Variants in KIAA0319 observed in about 807,000 individuals in gnomAD.
KIAA0319 encodes KIAA0319.
Under a neutral mutation model 108.4 loss-of-function variants are expected in KIAA0319, and 83 were observed. The ratio of observed to expected loss-of-function variants is 0.77; its 90% CI spans 0.64 to 0.92. The LOEUF (loss-of-function observed/expected upper bound fraction) is 0.92, where lower values mean the gene tolerates loss of function less well. Among genes scored for constraint, KIAA0319 ranks in the 40% least tolerant of loss-of-function variants. The probability of loss-of-function intolerance (pLI) is 0.00; values close to 1 mark genes in which losing one functional copy is unlikely to be tolerated. For synonymous variants in KIAA0319, 484 were observed against 510.4 expected (o/e 0.95, Z 0.70); for missense variants, 1,195 against 1,322.4 (o/e 0.90, Z 1.49).
At chr6:24,642,839 C>G (rs1330692698) in intron 1 of KIAA0319, among the ~76,000 whole-genome samples, 1 of 152,008 alleles carries the variant, frequency 6.6e-6, no homozygotes, top group Admixed American at 6.5e-5. Context: ...CCTGCCTCAG[C>G]TGGGATTACA....
At chr6:24,581,588 T>C (rs923554320) in intron 6 of KIAA0319, among the ~76,000 whole-genome samples, 9 of 152,144 alleles carry the variant, frequency 5.9e-5, no homozygotes, top group African/African-American at 2.2e-4. Context: ...TGGAATGGAA[T>C]TATTGGCAAC....
At chr6:24,597,090 T>C (rs1769762743) in intron 2 of KIAA0319, among the ~76,000 whole-genome samples, 2 of 152,180 alleles carry the variant, frequency 1.3e-5, no homozygotes, top group Admixed American at 1.3e-4. Flanking sequence ...CACCTATCCA[T>C]GCACCCTTCC....
At chr6:24,565,488 C>T (rs1246855157) in intron 14 of KIAA0319, among the ~76,000 whole-genome samples, 2 of 152,042 alleles carry the variant, frequency 1.3e-5, no homozygotes, top group South Asian at 2.1e-4. Context: ...GGCGCGGTGG[C>T]TCACGCCTGT....
chr6:24,580,441 T>G (rs1028258932), intron 7 of KIAA0319, among the ~76,000 whole-genome samples: 1 of 151,196 alleles, frequency 6.6e-6, no homozygotes, highest in Non-Finnish European at 1.5e-5. Flanking sequence ...GAGGGGTTGG[T>G]GGAGGCTGAA....
chr6:24,555,696 C>A (rs1762187050), intron 18 of KIAA0319, among the ~76,000 whole-genome samples: 1 of 133,008 alleles, frequency 7.5e-6, no homozygotes, highest in South Asian at 2.3e-4. Context: ...TAGTAGACTG[C>A]CATTAAAATA....
intron 1 of KIAA0319, among the ~76,000 whole-genome samples, chr6:24,613,982 T>C (rs1034138382): frequency 1.3e-5 from 2 of 152,200 alleles, no homozygotes; most frequent in African/African-American, 4.8e-5. Flanking sequence ...AACTATCCTG[T>C]GGATAATAGG....
intron 1 of KIAA0319, among the ~76,000 whole-genome samples, chr6:24,608,628 A>G (rs1771786574): frequency 6.6e-6 from 1 of 152,132 alleles, no homozygotes; most frequent in Non-Finnish European, 1.5e-5. Context: ...ACCAAAAGAC[A>G]TGATTAAAAA....
At chr6:24,540,603 A>G (rs146111627), downstream of KIAA0319, among the ~76,000 whole-genome samples, 96 of 151,626 alleles carry the variant, frequency 6.3e-4, no homozygotes, top group South Asian at 1.3e-3. Context: ...CAACTCAACA[A>G]GAGAGGCTCT....
At chr6:24,639,889 C>T (rs1262936046) in intron 1 of KIAA0319, among the ~76,000 whole-genome samples, 2 of 146,006 alleles carry the variant, frequency 1.4e-5, no homozygotes, top group Non-Finnish European at 3.0e-5. Context: ...ATGAAAGAAG[C>T]ATTGGTAAGT....
intron 1 of KIAA0319, among the ~76,000 whole-genome samples, chr6:24,629,112 G>A (rs1333401315): frequency 6.6e-6 from 1 of 152,146 alleles, no homozygotes; most frequent in Non-Finnish European, 1.5e-5. Flanking sequence ...TATTTTCTAA[G>A]TTTAAGGTGA....
chr6:24,586,557 C>T (rs1205958087), intron 4 of KIAA0319, among the ~76,000 whole-genome samples: 1 of 152,150 alleles, frequency 6.6e-6, no homozygotes, highest in Non-Finnish European at 1.5e-5. Context: ...ATTCTGGGCA[C>T]CTTTGGCCAC....
chr6:24,574,747 T>C (rs1765221579), intron 10 of KIAA0319, among the ~76,000 whole-genome samples: 1 of 152,220 alleles, frequency 6.6e-6, no homozygotes, highest in Non-Finnish European at 1.5e-5. Flanking sequence ...CAAGATCCAT[T>C]GTGCTACCAG....
intron 1 of KIAA0319, among the ~76,000 whole-genome samples, chr6:24,628,277 A>AT (rs1394075981): frequency 6.6e-6 from 1 of 151,914 alleles, no homozygotes; most frequent in East Asian, 1.9e-4. Flanking sequence ...CTTTTTAAGA[A>AT]TTTTTTTGCT....
intron 1 of KIAA0319, among the ~76,000 whole-genome samples, chr6:24,636,609 AC>A (rs1031584419): frequency 3.3e-5 from 5 of 152,190 alleles, no homozygotes; most frequent in African/African-American, 1.2e-4. Flanking sequence ...AATCACTGAT[AC>A]TTTACAAAAA....
intron 18 of KIAA0319, among the ~76,000 whole-genome samples, chr6:24,554,947 A>G (rs1052945912): frequency 1.3e-5 from 2 of 152,208 alleles, no homozygotes; most frequent in Non-Finnish European, 2.9e-5. Context: ...ATATAAACAC[A>G]CATGTATACC....
chr6:24,561,749 A>C (rs1763130544), intron 16 of KIAA0319, among the ~76,000 whole-genome samples: 1 of 151,582 alleles, frequency 6.6e-6, no homozygotes, highest in South Asian at 2.1e-4. Flanking sequence ...TCTGTCACCC[A>C]GGCTGAAGTG....
chr6:24,568,909 A>G lies in KIAA0319; in HGVS notation c.2012T>C (p.Met671Thr), dbSNP rs1370896811. Reference sequence around the variant, plus strand: ...GGCTATTGCTTTGTCAATATTTTCCATCTCCACTGCACTGGGGCCTCTATA... The same window carrying G: ...GGCTATTGCTTTGTCAATATTTTCCGTCTCCACTGCACTGGGGCCTCTATA... ...EHVRGPSAVE[M>T]ENIDKAIATV... The change falls in exon 13 of 21, where the codon ATG (methionine) becomes ACG (threonine). Residue 671 changes from methionine (M) to threonine (T), a missense_variant. Coordinates refer to ENST00000378214, the MANE Select transcript of KIAA0319 (RefSeq NM_014809.4). 3 of 1,614,086 alleles carry G rather than the reference A, an allele frequency of 1.9e-6. No individual in the cohort carries two copies. Among genetic ancestry groups the G allele is most frequent in the Non-Finnish European group, 2.5e-6 (3 of 1,180,026 alleles).
At chr6:24,602,595 T>C (rs1229345289) in intron 1 of KIAA0319, among the ~76,000 whole-genome samples, 1 of 152,056 alleles carries the variant, frequency 6.6e-6, no homozygotes, top group Non-Finnish European at 1.5e-5. Flanking sequence ...GGTCAGGAGA[T>C]CGAGACCATC....
intron 6 of KIAA0319, 59 bp from the exon 7 acceptor site, chr6:24,581,072 T>C (rs1401129323): frequency 9.5e-7 from 1 of 1,054,858 alleles, no homozygotes; most frequent in Non-Finnish European, 1.5e-6. Flanking sequence ...GTCCACTACG[T>C]AGAAAAAGCT....
Sources: gnomAD v4.1 joint callset for allele counts (sites outside exome capture counted in the v4.1 genomes callset) on GRCh38, gnomAD v4.1.1 for gene constraint, MANE v1.5 for transcripts, NCBI Gene and HGNC (gene_info 2026-07-23, HGNC 2026-07-21) for gene names.